Variants in NWD2 observed in about 807,000 individuals in gnomAD.
NWD2 encodes NACHT and WD repeat domain-containing protein 2.
NWD2 carries 37 observed loss-of-function variants against 132.7 expected under a neutral mutation model. The observed-to-expected ratio is 0.28, with a 90% CI of 0.21 to 0.37. The LOEUF is 0.37. Ranked by LOEUF, NWD2 falls within the 10% of genes least tolerant of loss-of-function variation. The pLI is 1.00. For synonymous variants in NWD2, 705 were observed against 803.0 expected (o/e 0.88, Z 2.06); for missense variants, 1,592 against 2,122.4 (o/e 0.75, Z 4.91).
intron 1 of NWD2, among the ~76,000 whole-genome samples, chr4:37,281,489 A>C (rs927822838): frequency 2.6e-5 from 4 of 152,148 alleles, no homozygotes. Context: ...CTATGAACCT[A>C]TTAAGGAAAA....
intron 1 of NWD2, among the ~76,000 whole-genome samples, chr4:37,272,930 G>C (rs1466267992): frequency 1.3e-5 from 2 of 151,728 alleles, no homozygotes; most frequent in Non-Finnish European, 3.0e-5. Context: ...TGAAGAGAAG[G>C]TATATTCTCC....
chr4:37,380,269 T>C (rs1577684764), intron 3 of NWD2, among the ~76,000 whole-genome samples: 1 of 152,170 alleles, frequency 6.6e-6, no homozygotes, highest in African/African-American at 2.4e-5. Context: ...CTACCTAGGA[T>C]TGGGGAAATT....
At chr4:37,261,269 C>A (rs955929289) in intron 1 of NWD2, among the ~76,000 whole-genome samples, 6 of 152,044 alleles carry the variant, frequency 3.9e-5, no homozygotes, top group African/African-American at 1.4e-4. Context: ...CATCTGCTGG[C>A]GGTATCTTTG....
At position 37,318,095 on chromosome 4, in the gene NWD2, G is replaced by A. The variant is rs552323047; in HGVS notation, c.152-7841G>A. On this transcript the variant is annotated intron_variant, in intron 1 of 6. Coordinates refer to ENST00000309447, the MANE Select transcript of NWD2 (RefSeq NM_001144990.2). Reference sequence around the variant, plus strand: ...ACCTGTAGTGCAGTGGCATGATCTTGGCTCACTGCAACCTCCACCTCCCAA... The same window carrying A: ...ACCTGTAGTGCAGTGGCATGATCTTAGCTCACTGCAACCTCCACCTCCCAA... Among the ~76,000 whole-genome samples the A allele has an allele frequency of 2.7e-4, 37 of 138,050 alleles. 1 individual carries two copies. In the South Asian group the frequency reaches 7.4e-3, roughly 28 times the overall value. 90.6% of individuals were successfully genotyped at this position (138,050 alleles called of 152,430 possible).
intron 1 of NWD2, among the ~76,000 whole-genome samples, chr4:37,285,905 G>T (rs962026361): frequency 4.6e-5 from 7 of 152,162 alleles, no homozygotes; most frequent in Non-Finnish European, 1.0e-4. Flanking sequence ...ATACTGAAAA[G>T]AATTTCAGTC....
intron 1 of NWD2, among the ~76,000 whole-genome samples, chr4:37,250,306 G>T (rs149663066): frequency 3.2e-3 from 490 of 152,232 alleles, no homozygotes; most frequent in African/African-American, 0.01. Context: ...AATTTTAGTG[G>T]TTGTATCTTC....
At chr4:37,336,054 A>G (rs1360560127) in intron 2 of NWD2, among the ~76,000 whole-genome samples, 1 of 152,218 alleles carries the variant, frequency 6.6e-6, no homozygotes, top group East Asian at 1.9e-4. Flanking sequence ...AAAATAGCAT[A>G]AAATTTGTTT....
At chr4:37,375,140 A>G (rs1247699681) in intron 3 of NWD2, among the ~76,000 whole-genome samples, 1 of 152,226 alleles carries the variant, frequency 6.6e-6, no homozygotes, top group Admixed American at 6.5e-5. Context: ...CATTGTGAAG[A>G]TAGGCAAAGG....
In NWD2 at chr4:37,437,106, A is replaced by G. The variant is rs75241468; in HGVS notation, c.707-1695A>G. Among the ~76,000 whole-genome samples, 883 of 152,240 alleles carry G rather than the reference A, an allele frequency of 5.8e-3. 8 individuals carry two copies. Among genetic ancestry groups the G allele is most frequent in the African/African-American group, 0.019 (803 of 41,520 alleles). Reference sequence around the variant, plus strand: ...AATTCTCACCCTTCTTAATAGTTACATTACAGAATATATGTATATATATTC... The same window carrying G: ...AATTCTCACCCTTCTTAATAGTTACGTTACAGAATATATGTATATATATTC... On this transcript the variant is annotated intron_variant, in intron 5 of 6. Coordinates refer to ENST00000309447, the MANE Select transcript of NWD2 (RefSeq NM_001144990.2).
intron 2 of NWD2, among the ~76,000 whole-genome samples, chr4:37,326,837 AG>A: frequency 6.6e-6 from 1 of 152,318 alleles, no homozygotes; most frequent in African/African-American, 2.4e-5. Context: ...CACCATTGTT[AG>A]TGGAAGAACA....
chr4:37,253,001 A>ACCCC (rs11315442), intron 1 of NWD2, among the ~76,000 whole-genome samples: 1 of 136,432 alleles, frequency 7.3e-6, no homozygotes, highest in African/African-American at 2.5e-5. Context: ...AATTACCACA[A>ACCCC]CCCCCCCCCC....
At chr4:37,275,842 A>G (rs1024670609) in intron 1 of NWD2, among the ~76,000 whole-genome samples, 114 of 152,322 alleles carry the variant, frequency 7.5e-4, no homozygotes, top group African/African-American at 2.7e-3. Context: ...AAAACAAGCA[A>G]TAGGGAAAGG....
In NWD2 at chr4:37,389,661, G is replaced by T. The variant is rs116236849; in HGVS notation, c.357+33179G>T. 6.3e-3 allele frequency among the ~76,000 whole-genome samples: 966 copies of T among 152,260 alleles called. 11 individuals carry two copies. The highest frequency in any genetic ancestry group is 0.022 in the African/African-American group (917 of 41,548). ...GAAGGGGTCAGAGTGAATACCCAAC[G>T]CAGATGGAGTCTCACCCTTCATCAG... On this transcript the variant is annotated intron_variant, in intron 3 of 6. Coordinates refer to ENST00000309447, the MANE Select transcript of NWD2 (RefSeq NM_001144990.2).
intron 5 of NWD2, among the ~76,000 whole-genome samples, chr4:37,436,151 A>G (rs2109328091): frequency 6.6e-6 from 1 of 152,320 alleles, no homozygotes; most frequent in East Asian, 1.9e-4. Flanking sequence ...CATGGATAAT[A>G]GTTACCAGGA....
chr4:37,310,261 T>C (rs1718806562), intron 1 of NWD2, among the ~76,000 whole-genome samples: 1 of 152,252 alleles, frequency 6.6e-6, no homozygotes, highest in Admixed American at 6.5e-5. Context: ...TATTTAGTTT[T>C]ATTCTAGCTA....
chr4:37,377,934 G>A (rs1720377316), intron 3 of NWD2, among the ~76,000 whole-genome samples: 1 of 151,916 alleles, frequency 6.6e-6, no homozygotes, highest in South Asian at 2.1e-4. Flanking sequence ...GTGAAGTGAT[G>A]GATTTTTTTA....
At chr4:37,299,299 A>G (rs752671913) in intron 1 of NWD2, among the ~76,000 whole-genome samples, 1 of 152,108 alleles carries the variant, frequency 6.6e-6, no homozygotes, top group Non-Finnish European at 1.5e-5. Context: ...CAAGACCATC[A>G]GTAATTTGAT....
chr4:37,267,345 A>C (rs902667063), intron 1 of NWD2, among the ~76,000 whole-genome samples: 2 of 152,004 alleles, frequency 1.3e-5, no homozygotes, highest in Non-Finnish European at 2.9e-5. Context: ...ATAAGATGTT[A>C]CTGCTTCAAA....
intron 3 of NWD2, among the ~76,000 whole-genome samples, chr4:37,369,588 A>T (rs1341667211): frequency 6.6e-6 from 1 of 152,236 alleles, no homozygotes; most frequent in East Asian, 1.9e-4. Context: ...GTTGAATCAT[A>T]AAATCAGTGT....
Sources: gnomAD v4.1 joint callset for allele counts (sites outside exome capture counted in the v4.1 genomes callset) on GRCh38, gnomAD v4.1.1 for gene constraint, MANE v1.5 for transcripts, NCBI Gene and HGNC (gene_info 2026-07-23, HGNC 2026-07-21) for gene names.